LGALS4: variants seen among roughly 807,000 people sequenced by gnomAD.
The protein encoded by LGALS4 is galectin-4.
Under a neutral mutation model 39.6 loss-of-function variants are expected in LGALS4, and 37 were observed. The observed-to-expected ratio is 0.93, with a 90% CI of 0.72 to 1.23. LGALS4 has a LOEUF of 1.23. Ranked by LOEUF, LGALS4 falls within the 50% of genes most tolerant of loss-of-function variation. LGALS4 has a pLI of 0.00. For synonymous variants in LGALS4, 160 were observed against 165.5 expected, an observed-to-expected ratio of 0.97 and a Z score of 0.25; for missense variants, 397 against 433.2, an observed-to-expected ratio of 0.92 and a Z score of 0.74.
At chr19:38,812,773 TG>T (rs1451351152) in intron 1 of LGALS4, 68 bp downstream of exon 1, 6 of 1,532,406 alleles carry the variant, frequency 3.9e-6, no homozygotes, top group African/African-American at 1.4e-5. Context: ...AGGATCAGAG[TG>T]GGGAAAATTG....
Position 38,802,384 on chromosome 19 carries a change from C to T in LGALS4, c.591G>A (p.Arg197=). ...TFNPPVPYFG[R]LQGGLTARRT... is the part of the protein sequence containing the mutation. Reference sequence around the variant, plus strand: ...TTCGAGCTGTGAGCCCTCCTTGCAGCCTCCCGAAATATGGCACAGGCTGTG... The same window carrying T: ...TTCGAGCTGTGAGCCCTCCTTGCAGTCTCCCGAAATATGGCACAGGCTGTG... Residue 197 remains arginine, a synonymous_variant, in exon 8 of 10, where the codon AGG becomes AGA. Coordinates refer to ENST00000307751, the MANE Select transcript of LGALS4 (RefSeq NM_006149.4). The T allele has an allele frequency of 6.2e-7, 1 of 1,614,198 alleles. No homozygotes were observed.
In LGALS4 at chr19:38,802,407, G is replaced by T; in HGVS notation, c.571-3C>A. On this transcript the variant is annotated splice_polypyrimidine_tract_variant and splice_region_variant and intron_variant, in intron 7 of 9. Coordinates refer to ENST00000307751, the MANE Select transcript of LGALS4 (RefSeq NM_006149.4). ...AGCCTCCCGAAATATGGCACAGGCT[G>T]TGGGAAGAGAACGGGGGGTCCCATT... 1.2e-6 allele frequency: 2 copies of T among 1,613,420 alleles called. No homozygotes were observed. Among genetic ancestry groups the T allele is most frequent in the Non-Finnish European group, 1.7e-6 (2 of 1,179,292 alleles).
Position 38,812,897 on chromosome 19 carries a change from T to G in LGALS4, c.-11A>C, listed in dbSNP as rs1284182674. 1.2e-6 allele frequency: 2 copies of G among 1,611,272 alleles called. No homozygotes were observed. Among genetic ancestry groups the G allele is most frequent in the African/African-American group, 2.7e-5 (2 of 74,898 alleles). Reference sequence around the variant, plus strand: ...GGGGACATAGGCCATCGCTCGAGGCTGCGCTAGTGGCTGGTCCTGTGAGAA... The same window carrying G: ...GGGGACATAGGCCATCGCTCGAGGCGGCGCTAGTGGCTGGTCCTGTGAGAA... On this transcript the variant is annotated 5_prime_UTR_variant, in exon 1 of 10. Transcript: ENST00000307751.
Position 38,803,773 on chromosome 19 carries a change from C to T in LGALS4, c.509G>A (p.Gly170Glu), listed in dbSNP as rs147202237. Residue 170 changes from glycine to glutamate, a missense_variant, in exon 6 of 10, where the codon GGA (glycine) becomes GAA (glutamate). Physicochemically the swap from Gly to Glu is moderately conservative, Grantham distance 98. Transcript: ENST00000307751. ...PPMMPPYPGP[G>E]HCHQQLNSLP... ...GCTGTTCAGCTGTTGATGGCAATGT[C>T]CGGGACCCTGAACGATGGACAGAAG... 71 of 1,613,666 alleles carry T rather than the reference C, an allele frequency of 4.4e-5. No homozygotes were observed. In the African/African-American group the frequency reaches 8.5e-4, roughly 19 times the overall value.
intron 2 of LGALS4, among the ~76,000 whole-genome samples, chr19:38,809,644 C>CTTTTTTTT (rs66473176): frequency 2.7e-5 from 2 of 74,516 alleles, no homozygotes; most frequent in Non-Finnish European, 2.4e-5. Context: ...CTATGCCTGG[C>CTTTTTTTT]TTTTTTTTTT....
rs3993040 is a variant in LGALS4, at chr19:38,805,166, A to AAATAATAAT, written c.475-1280_475-1272dup. ...GTGACAGAGCCAGACCCTGCCTCAA[A>AAATAATAAT]AATAATAATAATAATAATAATAATA... On this transcript the variant is annotated intron_variant, in intron 4 of 9. Transcript: ENST00000307751. Among the ~76,000 whole-genome samples, 410 of 121,076 alleles carry AAATAATAAT rather than the reference A, an allele frequency of 3.4e-3. 2 individuals carry two copies. The highest frequency in any genetic ancestry group is 4.1e-3 in the Middle Eastern group (1 of 244). The allele number at this position is 121,076 out of a possible 152,430, so 79.4% of individuals were successfully genotyped here. A position where few individuals can be genotyped will look rare whatever the true frequency, so the allele number is the denominator to read the frequency against.
intron 4 of LGALS4, 140 bp from the exon 5 acceptor site, chr19:38,804,035 G>A (rs79532170): frequency 0.034 from 32,418 of 958,888 alleles, 1,039 homozygotes; most frequent in South Asian, 0.11. Context: ...GTGGCACCCC[G>A]ATCACAGATT....
At chr19:38,808,639 AAAAAGAAAGAAAGAAAG>A in intron 3 of LGALS4, 88 bp downstream of exon 3, 1 of 919,320 alleles carries the variant, frequency 1.1e-6, no homozygotes, top group Non-Finnish European at 1.6e-6. Flanking sequence ...AAAAAAAAAA[AAAAAGAAAGAAAGAAAG>A]AAAAGGAAGG....
Position 38,805,166 on chromosome 19 carries a change from AAATAATAATAAT to A in LGALS4, c.474+1283_475-1272del, listed in dbSNP as rs3993040. The stretch of plus-strand genomic sequence containing the variant: ...GTGACAGAGCCAGACCCTGCCTCAA[AAATAATAATAAT>A]AATAATAATAATAATAATAATAATA... On this transcript the variant is annotated intron_variant, in intron 4 of 9. Coordinates refer to ENST00000307751, the MANE Select transcript of LGALS4 (RefSeq NM_006149.4). 2.7e-3 allele frequency among the ~76,000 whole-genome samples: 323 copies of A among 121,082 alleles called. 3 individuals carry two copies. The highest frequency in any genetic ancestry group is 0.015 in the East Asian group (69 of 4,678). The allele number at this position is 121,082 out of a possible 152,430, so 79.4% of individuals were successfully genotyped here. A position where few individuals can be genotyped will look rare whatever the true frequency, so the allele number is the denominator to read the frequency against.
In LGALS4 at chr19:38,802,086, C is replaced by T; in HGVS notation, c.731G>A (p.Gly244Asp). 1 of 1,614,204 alleles carries T rather than the reference C, an allele frequency of 6.2e-7. No individual in the cohort carries two copies. Among genetic ancestry groups the T allele is most frequent in the Non-Finnish European group, 8.5e-7 (1 of 1,180,012 alleles). The change falls in exon 9 of 10, where the codon GGT (glycine) becomes GAT (aspartate). Residue 244 changes from glycine to aspartate, a missense_variant. Coordinates refer to ENST00000307751, the MANE Select transcript of LGALS4 (RefSeq NM_006149.4). ...ALHINPRMGNGTVVRNSLLNG... is the reference protein window; with the variant it reads ...ALHINPRMGNDTVVRNSLLNG... ...CAGAAGGCTGTTCCGGACCACGGTA[C>T]CGTTGCCCATGCGGGGATTAATGTG...
intron 4 of LGALS4, among the ~76,000 whole-genome samples, chr19:38,805,796 G>T (rs575339861): frequency 6.6e-6 from 1 of 152,274 alleles, no homozygotes; most frequent in East Asian, 1.9e-4. Flanking sequence ...AATGCGCTGG[G>T]CACCATGGCT....
intron 4 of LGALS4, among the ~76,000 whole-genome samples, chr19:38,805,185 A>G (rs981660375): frequency 3.4e-5 from 5 of 148,276 alleles, no homozygotes; most frequent in African/African-American, 9.8e-5. Flanking sequence ...TAATAATAAT[A>G]ATAATAATAA....
intron 7 of LGALS4, 33 bp downstream of exon 7, chr19:38,803,489 C>T: frequency 6.2e-7 from 1 of 1,611,254 alleles, no homozygotes; most frequent in Non-Finnish European, 8.5e-7. Context: ...GTGCCCCCTC[C>T]CCACCATCCA....
chr19:38,812,654 G>A, intron 1 of LGALS4, 135 bp from the exon 2 acceptor site: 1 of 964,676 alleles, frequency 1.0e-6, no homozygotes, highest in East Asian at 2.4e-5. Context: ...AGATGACGAG[G>A]GCCAACAGTT....
At chr19:38,807,790 C>A (rs1388992366) in intron 3 of LGALS4, among the ~76,000 whole-genome samples, 4 of 152,224 alleles carry the variant, frequency 2.6e-5, no homozygotes, top group Non-Finnish European at 5.9e-5. Flanking sequence ...AAGAAAAATT[C>A]TTCTGCCTTG....
intron 2 of LGALS4, among the ~76,000 whole-genome samples, chr19:38,811,688 A>G (rs1047844510): frequency 2.1e-4 from 32 of 151,774 alleles, no homozygotes; most frequent in Non-Finnish European, 3.4e-4. Context: ...TATGAGGCCA[A>G]TCATTATCAA....
At chr19:38,811,136 G>T (rs1054274926) in intron 2 of LGALS4, among the ~76,000 whole-genome samples, 1 of 151,952 alleles carries the variant, frequency 6.6e-6, no homozygotes, top group Non-Finnish European at 1.5e-5. Context: ...CCCGATCTCA[G>T]GTGATCTGCC....
chr19:38,801,919 A>C lies in LGALS4; in HGVS notation c.826-9T>G, dbSNP rs778279131. 1.2e-6 allele frequency: 2 copies of C among 1,614,114 alleles called. No homozygotes were observed. The highest frequency in any genetic ancestry group is 1.7e-6 in the Non-Finnish European group (2 of 1,179,980). ...CCACAGCGAATGGACAGCTGCAGGGAGAAGGGTGGGCATGAGGCCAGGGCC... is the reference window on the plus strand; with the variant it reads ...CCACAGCGAATGGACAGCTGCAGGGCGAAGGGTGGGCATGAGGCCAGGGCC... On this transcript the variant is annotated splice_polypyrimidine_tract_variant and intron_variant, in intron 9 of 9. Transcript: ENST00000307751.
At chr19:38,806,384 A>C (rs902826524) in intron 4 of LGALS4, 77 bp downstream of exon 4, 10 of 1,516,796 alleles carry the variant, frequency 6.6e-6, no homozygotes, top group Non-Finnish European at 8.0e-6. Flanking sequence ...AAAAGAAAAA[A>C]AGAAAAAAAG....
Sources: allele counts gnomAD v4.1 joint callset (sites outside exome capture counted in the v4.1 genomes callset), GRCh38; gene constraint gnomAD v4.1.1; transcripts MANE v1.5; gene names NCBI Gene and HGNC (gene_info 2026-07-23, HGNC 2026-07-21).